MPHOSPH9: variants seen among roughly 807,000 people sequenced by gnomAD.
The protein encoded by MPHOSPH9 is M-phase phosphoprotein 9.
Under a neutral mutation model 145.5 loss-of-function variants are expected in MPHOSPH9, and 88 were observed. The ratio of observed to expected loss-of-function variants is 0.60; its 90% CI spans 0.51 to 0.72. The LOEUF is 0.72. Ranked by LOEUF, MPHOSPH9 falls within the 30% of genes least tolerant of loss-of-function variation. The pLI is 0.00. For synonymous variants in MPHOSPH9, 435 were observed against 486.2 expected (o/e 0.89, Z 1.39); for missense variants, 1,238 against 1,386.6 (o/e 0.89, Z 1.70).
In MPHOSPH9 at chr12:123,222,248, C is replaced by G. The variant is rs543912105; in HGVS notation, c.349-353G>C. ...TCTGAGGCAGGAGAATTTCTTGAAC[C>G]CAGGAGGCAGAGGTTGCAGTCAGCT... is the stretch of plus-strand genomic sequence containing the variant. On this transcript the variant is annotated intron_variant, in intron 4 of 23. Coordinates refer to ENST00000606320, the MANE Select transcript of MPHOSPH9 (RefSeq NM_022782.4). 7.9e-5 allele frequency among the ~76,000 whole-genome samples: 12 copies of G among 151,874 alleles called. No individual in the cohort carries two copies. The South Asian group carries it at 1.5e-3, about 18-fold the overall frequency.
intron 13 of MPHOSPH9, among the ~76,000 whole-genome samples, chr12:123,192,450 T>C (rs1287585920): frequency 7.0e-6 from 1 of 143,222 alleles, no homozygotes; most frequent in Non-Finnish European, 1.5e-5. Flanking sequence ...CAAGACTCCA[T>C]CTCAAAAAAA....
intron 23 of MPHOSPH9, among the ~76,000 whole-genome samples, chr12:123,158,957 C>T (rs2043984454): frequency 6.6e-6 from 1 of 151,888 alleles, no homozygotes. Context: ...TTAGGCCGGG[C>T]CCATGTGCCT....
intron 11 of MPHOSPH9, among the ~76,000 whole-genome samples, chr12:123,199,117 T>C (rs968994788): frequency 3.3e-5 from 5 of 152,012 alleles, no homozygotes; most frequent in Admixed American, 6.6e-5. Flanking sequence ...GCAACCCTCC[T>C]GCCTCAACCT....
chr12:123,214,204 T>C (rs933746682), intron 7 of MPHOSPH9, among the ~76,000 whole-genome samples: 4 of 152,170 alleles, frequency 2.6e-5, no homozygotes, highest in African/African-American at 9.7e-5. Flanking sequence ...CAAAAGTACT[T>C]CTTTATTCTC....
At chr12:123,165,542 C>G in intron 17 of MPHOSPH9, 65 bp from the exon 18 acceptor site, 1 of 1,379,782 alleles carries the variant, frequency 7.2e-7, no homozygotes. Flanking sequence ...CCCCCCGCCC[C>G]CACACCAAAC....
At chr12:123,158,722 C>T (rs2043973992) in intron 23 of MPHOSPH9, among the ~76,000 whole-genome samples, 1 of 151,970 alleles carries the variant, frequency 6.6e-6, no homozygotes, top group South Asian at 2.1e-4. Context: ...ACCTCCAACT[C>T]TTGGGTTCAA....
At chr12:123,196,425 C>T (rs1222832856) in intron 12 of MPHOSPH9, among the ~76,000 whole-genome samples, 1 of 152,246 alleles carries the variant, frequency 6.6e-6, no homozygotes, top group Admixed American at 6.5e-5. Flanking sequence ...CATATACACA[C>T]TACTCTATGA....
intron 19 of MPHOSPH9, 147 bp downstream of exon 19, chr12:123,163,803 A>G: frequency 1.3e-6 from 1 of 758,860 alleles, no homozygotes; most frequent in South Asian, 2.6e-5. Context: ...TATGAACAAG[A>G]TCTTATTTAG....
downstream of MPHOSPH9, chr12:123,152,820 T>C (rs1211824729): frequency 4.0e-6 from 1 of 248,784 alleles, no homozygotes; most frequent in African/African-American, 2.3e-5. Context: ...TCATGACAGG[T>C]AAATATAATC....
In MPHOSPH9 at chr12:123,159,142, T is replaced by C. The variant is rs2851438; in HGVS notation, c.3450+1639A>G. Among the ~76,000 whole-genome samples, 96,591 of 152,082 alleles carry C rather than the reference T, an allele frequency of 0.64. 35,262 individuals are homozygous for C. Among genetic ancestry groups the C allele is most frequent in the East Asian group, 0.97 (5,030 of 5,172 alleles). On this transcript the variant is annotated intron_variant, in intron 23 of 23. Coordinates refer to ENST00000606320, the MANE Select transcript of MPHOSPH9 (RefSeq NM_022782.4). The surrounding 1 kb of genome is among the most constrained non-coding windows in gnomAD (Gnocchi z 4.3). ...AGACAACCCCACACCTTTTAAAAAA[T>C]GATCACATTGGCAGGTATTTTTTTT...
At chr12:123,193,096 A>AAAAATATATATAT in intron 13 of MPHOSPH9, among the ~76,000 whole-genome samples, 1 of 87,196 alleles carries the variant, frequency 1.1e-5, no homozygotes, top group South Asian at 4.4e-4. Context: ...AAAAAAAAAA[A>AAAAATATATATAT]ATATATATAT....
intron 21 of MPHOSPH9, 99 bp from the exon 22 acceptor site, chr12:123,161,482 G>T: frequency 7.7e-7 from 1 of 1,301,762 alleles, no homozygotes; most frequent in Non-Finnish European, 1.1e-6. Context: ...TCTGGATATA[G>T]CTGCTATGTG....
chr12:123,226,294 C>T, intron 3 of MPHOSPH9: 1 of 1,118,782 alleles, frequency 8.9e-7, no homozygotes. Flanking sequence ...TTACACTTAG[C>T]AGTTGCTGCT....
chr12:123,163,874 C>T, intron 19 of MPHOSPH9, 76 bp downstream of exon 19: 1 of 1,571,946 alleles, frequency 6.4e-7, no homozygotes, highest in Non-Finnish European at 8.7e-7. Context: ...CAGAAACAGG[C>T]AAGCAGCGGG....
chr12:123,202,474 ACAAT>A, intron 10 of MPHOSPH9, 146 bp downstream of exon 10: 2 of 1,192,502 alleles, frequency 1.7e-6, no homozygotes, highest in Admixed American at 2.8e-5. Flanking sequence ...CAAAAAGTTA[ACAAT>A]CAAGTGAAAA....
chr12:123,229,852 C>T (rs373308478), intron 2 of MPHOSPH9, among the ~76,000 whole-genome samples: 2 of 134,168 alleles, frequency 1.5e-5, no homozygotes, highest in East Asian at 2.4e-4. Context: ...GACAGAGTGT[C>T]GCTCTGTCGC....
At position 123,160,933 on chromosome 12, in the gene MPHOSPH9, T is replaced by C. The variant is rs562040462; in HGVS notation, c.3382-84A>G. 4 of 1,454,026 alleles carry C rather than the reference T, an allele frequency of 2.8e-6. No individual in the cohort carries two copies. In the East Asian group the frequency reaches 9.3e-5, roughly 34 times the overall value. The allele number at this position is 1,454,026 out of a possible 1,614,324, so 90.1% of individuals were successfully genotyped here. On this transcript the variant is annotated intron_variant, in intron 22 of 23. Coordinates refer to ENST00000606320, the MANE Select transcript of MPHOSPH9 (RefSeq NM_022782.4). Reference sequence around the variant, plus strand: ...ATGGAAAGAAAAGGTTTTGGCTTAGTATTTCCTTGTCCATTTCATCTCAAC... The same window carrying C: ...ATGGAAAGAAAAGGTTTTGGCTTAGCATTTCCTTGTCCATTTCATCTCAAC...
chr12:123,202,184 G>A lies in MPHOSPH9; in HGVS notation c.1917C>T (p.Thr639=), dbSNP rs768036760. 2 of 1,609,140 alleles carry A rather than the reference G, an allele frequency of 1.2e-6. No individual in the cohort carries two copies. The highest frequency in any genetic ancestry group is 2.7e-5 in the African/African-American group (2 of 74,762). ...TTTACCTGTCTACAAGAATTTGATT[G>A]GTTATCTTCCAATCTTCAACTCCAG... ...EISGVEDWKI[T]NQILVDRCGQ... The change falls in exon 11 of 24, where the codon ACC becomes ACT. Residue 639 remains threonine (T), a synonymous_variant. Coordinates refer to ENST00000606320, the MANE Select transcript of MPHOSPH9 (RefSeq NM_022782.4).
chr12:123,157,349 A>C (rs2043909645), intron 23 of MPHOSPH9, among the ~76,000 whole-genome samples: 1 of 146,868 alleles, frequency 6.8e-6, no homozygotes, highest in South Asian at 2.2e-4. Context: ...TAAGTTAAAA[A>C]GGAAAAAAAA....
Sources: allele counts gnomAD v4.1 joint callset (sites outside exome capture counted in the v4.1 genomes callset), GRCh38; gene constraint gnomAD v4.1.1; non-coding constraint Gnocchi (gnomAD v3.1); transcripts MANE v1.5; gene names NCBI Gene and HGNC (gene_info 2026-07-23, HGNC 2026-07-21).